CRMP1: variants seen among roughly 807,000 people sequenced by gnomAD.
The protein encoded by CRMP1 is collapsin response mediator protein 1.
In CRMP1, 19 loss-of-function variants were observed where a neutral mutation model predicts 68.3. That is an observed-to-expected ratio of 0.28 (90% CI 0.19 to 0.41). The LOEUF (loss-of-function observed/expected upper bound fraction) is 0.41. Ranked by LOEUF, CRMP1 falls within the 10% of genes least tolerant of loss-of-function variation. CRMP1 has a pLI of 1.00. For missense variants in CRMP1, 791 were observed against 967.4 expected (o/e 0.82, Z 2.42); for synonymous variants, 439 against 399.6 (o/e 1.10, Z -1.18).
Position 5,857,019 on chromosome 4 carries a change from T to TATTATCACCACCATCC in CRMP1, c.656-713_656-712insGGATGGTGGTGATAAT, listed in dbSNP as rs1560505923. ...ACCATCCACTATCATCACCACCATC[T>TATTATCACCACCATCC]GCTATCATCACCACCATCCACTATT... On this transcript the variant is annotated intron_variant, in intron 3 of 13. Transcript: ENST00000324989. Among the ~76,000 whole-genome samples, 20 of 5,888 alleles carry TATTATCACCACCATCC rather than the reference T, an allele frequency of 3.4e-3. No individual in the cohort carries two copies. In the South Asian group the frequency reaches 0.039, roughly 12 times the overall value. The allele number at this position is 5,888 out of a possible 152,430, so 3.9% of individuals were successfully genotyped here.
In CRMP1 at chr4:5,825,213, ATGTG is replaced by A; in HGVS notation, c.1969+277_1969+280del. On this transcript the variant is annotated intron_variant, in intron 13 of 13. Coordinates refer to ENST00000324989, the MANE Select transcript of CRMP1 (RefSeq NM_001014809.3). This position sits in a 1 kb window ranked among gnomAD's most constrained non-coding sequence, Gnocchi z 4.4. ...AGGAAGAGTGTGAAAGTGTCCCCAA[ATGTG>A]TGTAAGGATGAGCACTGGGACAATT... 1.0e-6 allele frequency: 1 copy of A among 985,254 alleles called. No individual in the cohort carries two copies. Among genetic ancestry groups the A allele is most frequent in the Non-Finnish European group, 1.2e-6 (1 of 829,892 alleles). 61.0% of individuals were successfully genotyped at this position (985,254 alleles called of 1,614,324 possible).
At chr4:5,822,228 T>C (rs964840761) in intron 13 of CRMP1, among the ~76,000 whole-genome samples, 7 of 152,214 alleles carry the variant, frequency 4.6e-5, no homozygotes, top group South Asian at 2.1e-4. Flanking sequence ...AAGGGGGTGT[T>C]TGTACTCCCA....
Position 5,877,746 on chromosome 4 carries a change from T to C in CRMP1, c.382-10990A>G, listed in dbSNP as rs190890560. ...ACTGCAGGACTTTTTTTCCCCCCGATATTATGCCTGTTTCCATGACAACTG... is the reference window on the plus strand; with the variant it reads ...ACTGCAGGACTTTTTTTCCCCCCGACATTATGCCTGTTTCCATGACAACTG... On this transcript the variant is annotated intron_variant, in intron 1 of 13. Coordinates refer to ENST00000324989, the MANE Select transcript of CRMP1 (RefSeq NM_001014809.3). This position sits in a 1 kb window ranked among gnomAD's most constrained non-coding sequence, Gnocchi z 4.3. Among the ~76,000 whole-genome samples the C allele has an allele frequency of 1.3e-5, 2 of 152,156 alleles. No individual in the cohort carries two copies. The highest frequency in any genetic ancestry group is 1.3e-4 in the Admixed American group (2 of 15,286).
rs1237847348 is a variant in CRMP1, at chr4:5,849,431, C to T, written c.924G>A (p.Val308=). The part of the protein sequence containing the change: ...AFTFLKGLGA[V]ILVHAENGDL... ...CTCCATTTTCTGCATGGACCAAGATCACAGCTCCCAGGCCCTTAAGGAAGG... is the reference window on the plus strand; with the variant it reads ...CTCCATTTTCTGCATGGACCAAGATTACAGCTCCCAGGCCCTTAAGGAAGG... Residue 308 remains valine (V), a synonymous_variant, in exon 6 of 14, where the codon GTG becomes GTA. Coordinates refer to ENST00000324989, the MANE Select transcript of CRMP1 (RefSeq NM_001014809.3). The T allele has an allele frequency of 6.2e-7, 1 of 1,613,820 alleles. No individual in the cohort carries two copies. The highest frequency in any genetic ancestry group is 2.2e-5 in the East Asian group (1 of 44,852).
chr4:5,823,543 G>A (rs887075163), intron 13 of CRMP1, among the ~76,000 whole-genome samples: 1 of 152,208 alleles, frequency 6.6e-6, no homozygotes, highest in Non-Finnish European at 1.5e-5. Context: ...AGGGGTTTGG[G>A]TCATGAAGGA....
Position 5,841,686 on chromosome 4 carries a change from A to G in CRMP1, c.1033-258T>C, listed in dbSNP as rs1711740411. On this transcript the variant is annotated intron_variant, in intron 7 of 13. Transcript: ENST00000324989. This position sits in a 1 kb window ranked among gnomAD's most constrained non-coding sequence, Gnocchi z 6.9. Reference sequence around the variant, plus strand: ...CTCCCAGTTCTGTCCTGACCTCACCATGGGCCAGGAACATACAGCTCGTGG... The same window carrying G: ...CTCCCAGTTCTGTCCTGACCTCACCGTGGGCCAGGAACATACAGCTCGTGG... Among the ~76,000 whole-genome samples, 1 of 152,102 alleles carries G rather than the reference A, an allele frequency of 6.6e-6. No individual in the cohort carries two copies. The highest frequency in any genetic ancestry group is 1.9e-4 in the East Asian group (1 of 5,182).
At chr4:5,887,019 G>C (rs879756763) in intron 1 of CRMP1, among the ~76,000 whole-genome samples, 2 of 152,180 alleles carry the variant, frequency 1.3e-5, no homozygotes, top group African/African-American at 4.8e-5. Flanking sequence ...GAGCTGGGGC[G>C]GATGCAGGAC....
intron 9 of CRMP1, among the ~76,000 whole-genome samples, chr4:5,837,601 C>T (rs528448878): frequency 7.2e-6 from 1 of 138,394 alleles, no homozygotes; most frequent in South Asian, 2.3e-4. Context: ...GCACTCCAGC[C>T]TGGGCGACAA....
intron 13 of CRMP1, among the ~76,000 whole-genome samples, 157 bp from the exon 14 acceptor site, chr4:5,822,008 G>A (rs1718672624): frequency 6.6e-6 from 1 of 152,212 alleles, no homozygotes; most frequent in Non-Finnish European, 1.5e-5. Context: ...GGCCTCCACA[G>A]AGTCCACTGC....
Position 5,887,885 on chromosome 4 carries a change from G to T in CRMP1, c.381+4704C>A, listed in dbSNP as rs139598401. The T allele has an allele frequency of 1.1e-3, 896 of 842,624 alleles. 5 individuals are homozygous for T. The African/African-American group carries it at 0.015, about 14-fold the overall frequency. 52.2% of individuals were successfully genotyped at this position (842,624 alleles called of 1,614,324 possible). A position where few individuals can be genotyped will look rare whatever the true frequency, so the allele number is the denominator to read the frequency against. ...CCCACCCCCGCGCGAGGCCTGCGGG[G>T]AGGGGGTTCGGACCCCTGCCCCTCC... On this transcript the variant is annotated intron_variant, in intron 1 of 13. Coordinates refer to ENST00000324989, the MANE Select transcript of CRMP1 (RefSeq NM_001014809.3).
In CRMP1 at chr4:5,842,865, C is replaced by T. The variant is rs575310042; in HGVS notation, c.1032+228G>A. ...TCCACTTGGGACACTGAAGCACCCA[C>T]GGGGCCTTGGAGTGAAGTTCCAGGA... On this transcript the variant is annotated intron_variant, in intron 7 of 13. Transcript: ENST00000324989. This position sits in a 1 kb window ranked among gnomAD's most constrained non-coding sequence, Gnocchi z 4.5. 3.3e-5 allele frequency among the ~76,000 whole-genome samples: 5 copies of T among 152,176 alleles called. No homozygotes were observed. The highest frequency in any genetic ancestry group is 5.9e-5 in the Non-Finnish European group (4 of 68,028).
At chr4:5,835,841 T>G in intron 11 of CRMP1, 74 bp downstream of exon 11, 1 of 1,345,184 alleles carries the variant, frequency 7.4e-7, no homozygotes, top group Non-Finnish European at 9.6e-7. Context: ...TCATAAATCA[T>G]TTTTAACCAG....
In CRMP1 at chr4:5,855,788, G is replaced by C. The variant is rs768758137; in HGVS notation, c.820+355C>G. Among the ~76,000 whole-genome samples, 1 of 150,940 alleles carries C rather than the reference G, an allele frequency of 6.6e-6. No individual in the cohort carries two copies. Among genetic ancestry groups the C allele is most frequent in the Non-Finnish European group, 1.5e-5 (1 of 68,038 alleles). On this transcript the variant is annotated intron_variant, in intron 4 of 13. Transcript: ENST00000324989. This position sits in a 1 kb window ranked among gnomAD's most constrained non-coding sequence, Gnocchi z 4.9. ...GGAGAAAGGGCATTCATTCCTGGCA[G>C]GGGATCCACATGAGCAAGGGCCTCA...
rs891881058 is a variant in CRMP1, at chr4:5,883,338, C to A, written c.381+9251G>T. 1.3e-5 allele frequency among the ~76,000 whole-genome samples: 2 copies of A among 150,272 alleles called. No individual in the cohort carries two copies. The highest frequency in any genetic ancestry group is 4.9e-5 in the African/African-American group (2 of 40,814). ...TTTGTTTGAGAGAGTCTCATTCTGT[C>A]GCCCAGGCTGAAGTGCAGTGGCATG... On this transcript the variant is annotated intron_variant, in intron 1 of 13. Transcript: ENST00000324989. The surrounding 1 kb of genome is among the most constrained non-coding windows in gnomAD (Gnocchi z 4.5).
Position 5,855,255 on chromosome 4 carries a change from T to G in CRMP1, c.820+888A>C, listed in dbSNP as rs926286744. 1.3e-5 allele frequency among the ~76,000 whole-genome samples: 2 copies of G among 152,154 alleles called. No individual in the cohort carries two copies. Among genetic ancestry groups the G allele is most frequent in the Non-Finnish European group, 1.5e-5 (1 of 68,042 alleles). On this transcript the variant is annotated intron_variant, in intron 4 of 13. Coordinates refer to ENST00000324989, the MANE Select transcript of CRMP1 (RefSeq NM_001014809.3). The surrounding 1 kb of genome is among the most constrained non-coding windows in gnomAD (Gnocchi z 4.9). ...ATTTTTTTCCTTCCATTTTCTGACT[T>G]TCTTTAAATATTGGGGATGATACTG...
Position 5,889,972 on chromosome 4 carries a change from G to C in CRMP1, c.381+2617C>G. ...TACAGAGGTAAAATGATGTACCCCG[G>C]GTGCAAAACATATTAGCTGCAGCAA... On this transcript the variant is annotated intron_variant, in intron 1 of 13. Transcript: ENST00000324989. This position sits in a 1 kb window ranked among gnomAD's most constrained non-coding sequence, Gnocchi z 4.5. 8.0e-7 allele frequency: 1 copy of C among 1,245,842 alleles called. No homozygotes were observed. The allele number at this position is 1,245,842 out of a possible 1,614,324, so 77.2% of individuals were successfully genotyped here.
intron 2 of CRMP1, among the ~76,000 whole-genome samples, chr4:5,863,609 GC>G (rs1228754289): frequency 2.6e-5 from 4 of 152,030 alleles, no homozygotes; most frequent in South Asian, 2.1e-4. Context: ...TGAGACAGAC[GC>G]CCCTCCCCCA....
At chr4:5,887,502 G>A (rs1485291013) in intron 1 of CRMP1, 2 of 984,800 alleles carry the variant, frequency 2.0e-6, no homozygotes, top group South Asian at 4.7e-5. Context: ...TCCCCACCCC[G>A]AGACAAAGCG....
rs893579500 is a variant in CRMP1 at position 5,843,184 on chromosome 4, T to C, written c.964-23A>G. On this transcript the variant is annotated intron_variant, in intron 6 of 13. Transcript: ENST00000324989. This position sits in a 1 kb window ranked among gnomAD's most constrained non-coding sequence, Gnocchi z 4.1. ...TTCCTACAAGACAAGAACAAGTGAG[T>C]TAACGATTAGAGGGTGTCAGAGCTG... is the stretch of plus-strand genomic sequence containing the variant. 1.9e-6 allele frequency: 3 copies of C among 1,613,604 alleles called. No homozygotes were observed. Among genetic ancestry groups the C allele is most frequent in the East Asian group, 2.2e-5 (1 of 44,858 alleles).
Sources: gnomAD v4.1 joint callset for allele counts (sites outside exome capture counted in the v4.1 genomes callset) on GRCh38, gnomAD v4.1.1 for gene constraint, Gnocchi (gnomAD v3.1) non-coding constraint, MANE v1.5 for transcripts, NCBI Gene and HGNC (gene_info 2026-07-23, HGNC 2026-07-21) for gene names.